Variants in KMT2C observed in about 807,000 individuals in gnomAD.
KMT2C encodes lysine methyltransferase 2C, also known as histone-lysine N-methyltransferase 2C.
In KMT2C, 88 loss-of-function variants were observed where a neutral mutation model predicts 507.9. That is an observed-to-expected ratio of 0.17 (90% CI 0.15 to 0.21). The LOEUF is 0.21. Among genes scored for constraint, KMT2C ranks in the 10% least tolerant of loss-of-function variants. The probability of loss-of-function intolerance (pLI) is 1.00; values close to 1 mark genes in which losing one functional copy is unlikely to be tolerated. For missense variants in KMT2C, 4,954 were observed against 5,957.8 expected (o/e 0.83, Z 5.55); for synonymous variants, 2,049 against 2,080.8 (o/e 0.98, Z 0.42).
chr7:152,249,543 T>G (rs546064995), intron 13 of KMT2C, among the ~76,000 whole-genome samples: 1 of 151,716 alleles, frequency 6.6e-6, no homozygotes, highest in South Asian at 2.1e-4. Context: ...GGCCTATACA[T>G]GTTCTGATAT....
Position 152,227,762 on chromosome 7 carries a change from G to A in KMT2C, c.2976+2161C>T, listed in dbSNP as rs576517657. Among the ~76,000 whole-genome samples, 15 of 152,314 alleles carry A rather than the reference G, an allele frequency of 9.8e-5. 2 individuals are homozygous for A. Among genetic ancestry groups the A allele is most frequent in the African/African-American group, 2.9e-4 (12 of 41,574 alleles). On this transcript the variant is annotated intron_variant, in intron 18 of 58. Transcript: ENST00000262189. ...GAAGTCTTTGGTGGAACACCAAGCC[G>A]TACTTCTAGAAGCCCAAAGACCCAC...
chr7:152,162,865 C>T lies in KMT2C; in HGVS notation c.10712G>A (p.Gly3571Asp), dbSNP rs2092530356. The T allele has an allele frequency of 3.1e-6, 5 of 1,614,000 alleles. No homozygotes were observed. The Admixed American group carries it at 5.0e-5, about 16-fold the overall frequency. Residue 3571 changes from glycine to aspartate, a missense_variant, in exon 43 of 59, where the codon GGC (glycine) becomes GAC (aspartate). Around this residue, in one of 29 missense-constraint regions of KMT2C, gnomAD observed 801 missense variants for 751.2 expected, o/e 1.07. Transcript: ENST00000262189. ...PPVANSSLPC[G>D]QDSTITHGHS... is the part of the protein sequence containing the mutation. ...TCCATGGGTTATAGTAGAATCTTGG[C>T]CACATGGGAGACTGCTATTAGCTAC...
intron 14 of KMT2C, among the ~76,000 whole-genome samples, chr7:152,245,533 C>T (rs1478475766): frequency 2.6e-5 from 4 of 152,056 alleles, no homozygotes; most frequent in Non-Finnish European, 5.9e-5. Context: ...TAAAATTACA[C>T]ATATGGTCTG....
chr7:152,235,733 C>T (rs2095257686), intron 16 of KMT2C, 84 bp downstream of exon 16: 5 of 1,073,788 alleles, frequency 4.7e-6, no homozygotes, highest in Admixed American at 3.6e-5. Flanking sequence ...TTATATGACT[C>T]TTAAGATCAA....
At chr7:152,315,598 G>A (rs2096714934) in intron 3 of KMT2C, among the ~76,000 whole-genome samples, 1 of 152,140 alleles carries the variant, frequency 6.6e-6, no homozygotes, top group Non-Finnish European at 1.5e-5. Context: ...TTAGCAGTTA[G>A]AAAAGTTATT....
rs1563296854 is a variant in KMT2C at position 152,183,035 on chromosome 7, A to G, written c.5204T>C (p.Leu1735Pro). 6.2e-7 allele frequency: 1 copy of G among 1,610,104 alleles called. No individual in the cohort carries two copies. The highest frequency in any genetic ancestry group is 8.5e-7 in the Non-Finnish European group (1 of 1,178,748). Residue 1735 changes from leucine (L) to proline (P), a missense_variant, in exon 35 of 59, where the codon CTT (leucine) becomes CCT (proline). Coordinates refer to ENST00000262189, the MANE Select transcript of KMT2C (RefSeq NM_170606.3). ...TCTTTGCTTTAAAGGATCTTTAAAA[A>G]GCTCCGAATCAATACGAGAGCTGGG... Reference protein sequence around the residue: ...IDPSSRIDSELFKDPLKQRES... With the variant: ...IDPSSRIDSEPFKDPLKQRES...
rs201223677 is a variant in KMT2C, at chr7:152,136,556, C to CAA, written c.*274_*275dup. The CAA allele has an allele frequency of 1.3e-3, 431 of 326,468 alleles. 1 individual carries two copies. The East Asian group carries it at 0.019, about 15-fold the overall frequency. 20.2% of individuals were successfully genotyped at this position (326,468 alleles called of 1,614,324 possible). ...AGGGAAAAACAAAACAAAAAACAAA[C>CAA]AAAAAAAAAAGAAAAGGAAAAGAAA... On this transcript the variant is annotated 3_prime_UTR_variant, in exon 59 of 59. Coordinates refer to ENST00000262189, the MANE Select transcript of KMT2C (RefSeq NM_170606.3).
chr7:152,255,408 C>A (rs778276852), intron 9 of KMT2C, among the ~76,000 whole-genome samples: 1 of 151,794 alleles, frequency 6.6e-6, no homozygotes, highest in South Asian at 2.1e-4. Flanking sequence ...TCAAGCAACA[C>A]CCCTGCCTTG....
chr7:152,352,537 G>C (rs779640744), intron 2 of KMT2C, among the ~76,000 whole-genome samples: 24 of 152,092 alleles, frequency 1.6e-4, no homozygotes, highest in Non-Finnish European at 2.9e-4. Flanking sequence ...ACCAACATGT[G>C]ATGTCTCCCC....
chr7:152,151,137 T>C (rs1419986293), intron 50 of KMT2C, 130 bp from the exon 51 acceptor site: 1 of 646,452 alleles, frequency 1.5e-6, no homozygotes, highest in East Asian at 2.8e-5. Context: ...GAAAGGAAAC[T>C]ATGTTCCAAT....
chr7:152,180,247 C>T, intron 36 of KMT2C, 121 bp from the exon 37 acceptor site: 1 of 1,054,800 alleles, frequency 9.5e-7, no homozygotes, highest in South Asian at 1.4e-5. Flanking sequence ...CCTCAAATTC[C>T]TGGACTCAAG....
At chr7:152,255,106 CACTT>C (rs1422819642) in intron 9 of KMT2C, among the ~76,000 whole-genome samples, 8 of 75,474 alleles carry the variant, frequency 1.1e-4, no homozygotes, top group African/African-American at 2.2e-4. Context: ...AATCAACTCT[CACTT>C]ATATATATAT....
chr7:152,157,739 A>G, intron 44 of KMT2C: 1 of 1,192,444 alleles, frequency 8.4e-7, no homozygotes, highest in Non-Finnish European at 1.1e-6. Context: ...AAGCAAGACA[A>G]CACCTTGGCA....
chr7:152,154,548 T>G (rs770397199), intron 46 of KMT2C, 103 bp from the exon 47 acceptor site: 2 of 930,632 alleles, frequency 2.1e-6, no homozygotes, highest in Admixed American at 4.2e-5. Flanking sequence ...AAGGATACTC[T>G]GGGCAGCACC....
intron 6 of KMT2C, among the ~76,000 whole-genome samples, chr7:152,292,038 A>AT (rs141723956): frequency 7.2e-4 from 108 of 150,690 alleles, no homozygotes; most frequent in Admixed American, 2.6e-3. Context: ...TTAATTTACT[A>AT]TTTTTTTTTC....
chr7:152,241,783 C>G (rs777916536), intron 14 of KMT2C, among the ~76,000 whole-genome samples: 1 of 152,122 alleles, frequency 6.6e-6, no homozygotes, highest in Non-Finnish European at 1.5e-5. Flanking sequence ...TGGCAGTAGA[C>G]AGTTCTCAAA....
chr7:152,187,922 A>G, intron 31 of KMT2C, 75 bp from the exon 32 acceptor site: 1 of 1,455,462 alleles, frequency 6.9e-7, no homozygotes, highest in Non-Finnish European at 9.6e-7. Context: ...TGGCCCTTGA[A>G]CAACATGGTT....
At chr7:152,299,286 C>G (rs1265844927) in intron 6 of KMT2C, among the ~76,000 whole-genome samples, 2 of 151,644 alleles carry the variant, frequency 1.3e-5, no homozygotes, top group Non-Finnish European at 2.9e-5. Context: ...CCACTGCACT[C>G]CAGCCTGGCA....
rs568595965 is a variant in KMT2C, at chr7:152,198,076, G to A, written c.4273+1203C>T. ...TGAGAGTTATAAGATAAACTTTATC[G>A]TAAAATATCCTTTGAAGGACCCACA... is the stretch of plus-strand genomic sequence containing the variant. On this transcript the variant is annotated intron_variant, in intron 27 of 58. Transcript: ENST00000262189. Among the ~76,000 whole-genome samples, 52 of 152,174 alleles carry A rather than the reference G, an allele frequency of 3.4e-4. 1 individual carries two copies. Among genetic ancestry groups the A allele is most frequent in the South Asian group, 1.5e-3 (7 of 4,822 alleles).
Sources: gnomAD v4.1 joint callset for allele counts (sites outside exome capture counted in the v4.1 genomes callset) on GRCh38, gnomAD v4.1.1 for gene constraint, gnomAD v4.1.1 regional missense constraint, MANE v1.5 for transcripts, NCBI Gene and HGNC (gene_info 2026-07-23, HGNC 2026-07-21) for gene names.